The following MME variants were observed in gnomAD, a reference collection of about 807,000 sequenced individuals.
MME encodes membrane metalloendopeptidase.
In MME, 98 loss-of-function variants were observed where a neutral mutation model predicts 113.2. That is an observed-to-expected ratio of 0.87 (90% CI 0.74 to 1.02). MME has a LOEUF of 1.02. Ranked by LOEUF, MME falls within the 50% of genes least tolerant of loss-of-function variation. The probability of loss-of-function intolerance (pLI) is 0.00; values close to 1 mark genes in which losing one functional copy is unlikely to be tolerated. For synonymous variants in MME, 292 were observed against 300.6 expected (o/e 0.97, Z 0.30); for missense variants, 836 against 896.0 (o/e 0.93, Z 0.86).
intron 8 of MME, among the ~76,000 whole-genome samples, chr3:155,120,382 G>T (rs1204139313): frequency 9.7e-6 from 1 of 102,742 alleles, no homozygotes; most frequent in East Asian, 3.4e-4. Context: ...TCACTCTGAT[G>T]GTAGTTTCTT....
intron 16 of MME, among the ~76,000 whole-genome samples, chr3:155,153,395 T>C (rs1292586332): frequency 1.3e-5 from 2 of 152,228 alleles, no homozygotes; most frequent in African/African-American, 4.8e-5. Flanking sequence ...TGCGCCAGTT[T>C]GTAAAGAATT....
At chr3:155,066,763 C>G (rs1466986673) in intron 1 of MME, among the ~76,000 whole-genome samples, 1 of 152,138 alleles carries the variant, frequency 6.6e-6, no homozygotes, top group Non-Finnish European at 1.5e-5. Context: ...GCTTGGTACT[C>G]TCATCTGCTG....
At chr3:155,172,283 C>A (rs1712058409) in intron 21 of MME, 71 bp downstream of exon 21, 1 of 1,072,024 alleles carries the variant, frequency 9.3e-7, no homozygotes, top group Non-Finnish European at 1.5e-6. Context: ...AGTTAGATGT[C>A]ACATGCTGAG....
At chr3:155,143,603 A>G in intron 13 of MME, 32 bp downstream of exon 13, 1 of 1,606,636 alleles carries the variant, frequency 6.2e-7, no homozygotes, top group Non-Finnish European at 8.5e-7. Context: ...ACTGTCAGTT[A>G]TACAGGACAC....
intron 3 of MME, among the ~76,000 whole-genome samples, chr3:155,092,947 G>A (rs961602496): frequency 6.6e-6 from 1 of 151,814 alleles, no homozygotes; most frequent in African/African-American, 2.4e-5. Flanking sequence ...TTTGGCTAAA[G>A]ATCAAGTGTA....
At chr3:155,102,542 C>T (rs547213343) in intron 3 of MME, among the ~76,000 whole-genome samples, 44 of 152,310 alleles carry the variant, frequency 2.9e-4, no homozygotes, top group Admixed American at 1.6e-3. Context: ...ATGGAAAGAA[C>T]TTGCTCTCAC....
chr3:155,078,385 G>T (rs534413396), upstream of MME, among the ~76,000 whole-genome samples: 1 of 151,906 alleles, frequency 6.6e-6, no homozygotes, highest in African/African-American at 2.4e-5. Flanking sequence ...CACTTGTTAG[G>T]TCTACACACT....
chr3:155,181,042 A>T lies in MME; in HGVS notation c.*583A>T. ...CATTCTGTGATCATTTATTTTAAGC[A>T]CTCTTAAAGCAAAAAATGAATGTCT... is the stretch of plus-strand genomic sequence containing the variant. On this transcript the variant is annotated 3_prime_UTR_variant, in exon 23 of 23. Transcript: ENST00000360490. 6.5e-6 allele frequency: 1 copy of T among 153,638 alleles called. No homozygotes were observed. Among genetic ancestry groups the T allele is most frequent in the Non-Finnish European group, 1.5e-5 (1 of 68,746 alleles). 9.5% of individuals were successfully genotyped at this position (153,638 alleles called of 1,614,324 possible).
intron 1 of MME, among the ~76,000 whole-genome samples, chr3:155,047,858 C>T (rs369790951): frequency 6.6e-6 from 1 of 152,236 alleles, no homozygotes; most frequent in East Asian, 1.9e-4. Flanking sequence ...TGTCTCATTT[C>T]TGTAGGTGGT....
chr3:155,119,527 A>T (rs1718926567), intron 8 of MME, among the ~76,000 whole-genome samples: 1 of 126,630 alleles, frequency 7.9e-6, no homozygotes, highest in African/African-American at 3.0e-5. Context: ...CTAACTCGTC[A>T]TCTAGCATTA....
At chr3:155,060,904 T>C (rs1181791729) in intron 1 of MME, among the ~76,000 whole-genome samples, 1 of 152,068 alleles carries the variant, frequency 6.6e-6, no homozygotes, top group African/African-American at 2.4e-5. Context: ...TCTCTTCTTA[T>C]AAGGACACAA....
chr3:155,042,006 C>T (rs1713339177), intron 1 of MME, among the ~76,000 whole-genome samples: 1 of 152,102 alleles, frequency 6.6e-6, no homozygotes, highest in South Asian at 2.1e-4. Context: ...CGAACTTTGT[C>T]ATTTTATAAA....
chr3:155,063,288 T>C (rs1714233191), intron 1 of MME, among the ~76,000 whole-genome samples: 1 of 112,906 alleles, frequency 8.9e-6, no homozygotes, highest in African/African-American at 3.8e-5. Context: ...TTATAATATA[T>C]ACATATTATA....
At chr3:155,099,128 G>A (rs1243718839) in intron 3 of MME, among the ~76,000 whole-genome samples, 1 of 152,120 alleles carries the variant, frequency 6.6e-6, no homozygotes, top group Admixed American at 6.5e-5. Flanking sequence ...GATGGGATTA[G>A]TTCATATGGA....
intron 3 of MME, among the ~76,000 whole-genome samples, chr3:155,098,988 C>A (rs897664528): frequency 6.6e-6 from 1 of 151,882 alleles, no homozygotes; most frequent in Non-Finnish European, 1.5e-5. Context: ...GTAGGTGAGG[C>A]GGGGATGGTT....
Position 155,085,053 on chromosome 3 carries a change from T to C in MME, c.161-6T>C. The stretch of plus-strand genomic sequence containing the variant: ...AATATTTATGTATATTCTCTCCTTT[T>C]TCTAGATGGTATTTGCAAGTCATCA... On this transcript the variant is annotated splice_region_variant and splice_polypyrimidine_tract_variant and intron_variant, in intron 2 of 22. Coordinates refer to ENST00000360490, the MANE Select transcript of MME (RefSeq NM_007289.4). 6.3e-7 allele frequency: 1 copy of C among 1,583,706 alleles called. No homozygotes were observed. Among genetic ancestry groups the C allele is most frequent in the Non-Finnish European group, 8.6e-7 (1 of 1,157,434 alleles).
chr3:155,141,173 G>A (rs558112565), intron 10 of MME, among the ~76,000 whole-genome samples: 11 of 152,202 alleles, frequency 7.2e-5, no homozygotes, highest in Non-Finnish European at 1.6e-4. Flanking sequence ...TAGTTAACAA[G>A]GACTTTTCCA....
intron 3 of MME, among the ~76,000 whole-genome samples, chr3:155,103,962 G>A (rs1455271679): frequency 6.6e-6 from 1 of 152,154 alleles, no homozygotes; most frequent in Admixed American, 6.5e-5. Context: ...CTTATCAACT[G>A]AATACAGTAG....
At chr3:155,121,631 T>C (rs1387174724) in intron 8 of MME, among the ~76,000 whole-genome samples, 4 of 98,836 alleles carry the variant, frequency 4.0e-5, no homozygotes, top group Admixed American at 2.5e-4. Flanking sequence ...CATGAAGGGT[T>C]GTTGAATTTT....
Sources: allele counts gnomAD v4.1 joint callset (sites outside exome capture counted in the v4.1 genomes callset), GRCh38; gene constraint gnomAD v4.1.1; transcripts MANE v1.5; gene names NCBI Gene and HGNC (gene_info 2026-07-23, HGNC 2026-07-21).